The following CD160 variants were observed in gnomAD, a reference collection of about 807,000 sequenced individuals.
CD160 encodes the protein CD160 molecule.
In CD160, 11 loss-of-function variants were observed where a neutral mutation model predicts 19.2. The observed-to-expected ratio is 0.57, with a 90% CI of 0.36 to 0.95. CD160 has a LOEUF of 0.95. Ranked by LOEUF, CD160 falls within the 40% of genes least tolerant of loss-of-function variation. CD160 has a pLI of 0.01. For missense variants in CD160, 182 were observed against 213.2 expected, an observed-to-expected ratio of 0.85 and a Z score of 0.91; for synonymous variants, 75 against 81.1, an observed-to-expected ratio of 0.93 and a Z score of 0.40.
chr1:145,726,782 T>C (rs1271927962), intron 2 of CD160, among the ~76,000 whole-genome samples: 1 of 152,000 alleles, frequency 6.6e-6, no homozygotes, highest in African/African-American at 2.4e-5. Flanking sequence ...TGAAAAAATA[T>C]GAATTACTCA....
chr1:145,727,491 T>C lies in CD160; in HGVS notation c.-72-765T>C, dbSNP rs587654466. On this transcript the variant is annotated intron_variant, in intron 2 of 5. Coordinates refer to ENST00000369288, the MANE Select transcript of CD160 (RefSeq NM_007053.4). ...TATTGAAAGAAAATTATAGCCTCAA[T>C]TGGAGGGAAACTTTCCTAAACAATG... is the stretch of plus-strand genomic sequence containing the variant. 2.4e-4 allele frequency among the ~76,000 whole-genome samples: 36 copies of C among 152,122 alleles called. No individual in the cohort carries two copies. The South Asian group carries it at 6.6e-3, about 28-fold the overall frequency.
intron 4 of CD160, among the ~76,000 whole-genome samples, chr1:145,732,158 C>A (rs782406728): frequency 2.6e-5 from 4 of 151,952 alleles, no homozygotes; most frequent in Non-Finnish European, 4.4e-5. Flanking sequence ...ATAGAGCAAG[C>A]CTTCAAAATT....
chr1:145,734,623 C>A (rs1030539300), intron 4 of CD160, among the ~76,000 whole-genome samples: 4 of 152,196 alleles, frequency 2.6e-5, no homozygotes, highest in Non-Finnish European at 5.9e-5. Context: ...ATAACACAGT[C>A]CTTGCTCCTT....
intron 1 of CD160, among the ~76,000 whole-genome samples, 176 bp downstream of exon 1, chr1:145,719,735 T>G (rs1656753062): frequency 6.6e-6 from 1 of 152,220 alleles, no homozygotes; most frequent in Non-Finnish European, 1.5e-5. Context: ...CAGACCAGCA[T>G]GCTCGCTTTT....
intron 1 of CD160, among the ~76,000 whole-genome samples, chr1:145,722,063 A>G (rs996667632): frequency 6.6e-6 from 1 of 152,204 alleles, no homozygotes. Flanking sequence ...CCAAGCCTCT[A>G]TATGCTTCGT....
chr1:145,722,458 G>A (rs1363666406), intron 1 of CD160, among the ~76,000 whole-genome samples: 1 of 152,124 alleles, frequency 6.6e-6, no homozygotes, highest in Admixed American at 6.5e-5. Flanking sequence ...ATCTCTCTGT[G>A]CCCCATGGTG....
At chr1:145,729,893 A>T (rs1442038535) in intron 3 of CD160, among the ~76,000 whole-genome samples, 1 of 152,154 alleles carries the variant, frequency 6.6e-6, no homozygotes, top group African/African-American at 2.4e-5. Flanking sequence ...CTCATCCTTC[A>T]AGTCAGCTCC....
rs2101373304 is a variant in CD160 at position 145,724,894 on chromosome 1, G to A, written c.-85G>A. The A allele has an allele frequency of 6.6e-6, 1 of 151,902 alleles. No individual in the cohort carries two copies. Among genetic ancestry groups the A allele is most frequent in the Non-Finnish European group, 1.5e-5 (1 of 67,956 alleles). 9.4% of individuals were successfully genotyped at this position (151,902 alleles called of 1,614,324 possible). ...TCCTCCCACCTAAGTCTCTTGAGTA[G>A]CTGGGACTTCAGGTACGCACCACCA... On this transcript the variant is annotated 5_prime_UTR_variant, in exon 2 of 6. Coordinates refer to ENST00000369288, the MANE Select transcript of CD160 (RefSeq NM_007053.4).
At chr1:145,737,861 T>C (rs1553710426) in intron 5 of CD160, 1 of 152,040 alleles carries the variant, frequency 6.6e-6, no homozygotes, top group Non-Finnish European at 1.5e-5. Context: ...TCAATTCAAG[T>C]AGCTTTAAAG....
chr1:145,735,979 G>A lies in CD160; in HGVS notation c.401-18G>A, dbSNP rs781865809. 33 of 1,583,480 alleles carry A rather than the reference G, an allele frequency of 2.1e-5. No individual in the cohort carries two copies. Among genetic ancestry groups the A allele is most frequent in the Non-Finnish European group, 2.9e-5 (33 of 1,156,772 alleles). The stretch of plus-strand genomic sequence containing the variant: ...TTTCTGAAACCCTCCCCTGATCCAT[G>A]ATTCTCTTTTGAACCAGAGACAGGG... On this transcript the variant is annotated intron_variant, in intron 4 of 5. Coordinates refer to ENST00000369288, the MANE Select transcript of CD160 (RefSeq NM_007053.4).
In CD160 at chr1:145,722,931, C is replaced by G. The variant is rs189289456; in HGVS notation, c.-178-1870C>G. ...TTTAGGACCAGGATTTGAACACAAA[C>G]ACTCTGGCTCTAGAGTCTACGCTTT... On this transcript the variant is annotated intron_variant, in intron 1 of 5. Transcript: ENST00000369288. Among the ~76,000 whole-genome samples, 94 of 152,322 alleles carry G rather than the reference C, an allele frequency of 6.2e-4. 1 individual carries two copies. The South Asian group carries it at 0.018, about 29-fold the overall frequency.
In CD160 at chr1:145,736,050, A is replaced by C; in HGVS notation, c.454A>C (p.Ser152Arg). The change falls in exon 5 of 6, where the codon AGC (serine) becomes CGC (arginine). Residue 152 changes from serine to arginine, a missense_variant. Physicochemically the swap from Ser to Arg is moderately radical, Grantham distance 110. Coordinates refer to ENST00000369288, the MANE Select transcript of CD160 (RefSeq NM_007053.4). ...GLKQRQHLEF[S>R]HNEGTLSSGF... The stretch of plus-strand genomic sequence containing the variant: ...GAAACAAAGACAACACCTTGAGTTC[A>C]GCCATAATGAAGGCACTCTCAGTTC... 3.1e-6 allele frequency: 5 copies of C among 1,614,090 alleles called. No individual in the cohort carries two copies. Among genetic ancestry groups the C allele is most frequent in the Non-Finnish European group, 4.2e-6 (5 of 1,179,930 alleles).
chr1:145,727,874 C>T (rs1240714553), intron 2 of CD160, among the ~76,000 whole-genome samples: 2 of 152,104 alleles, frequency 1.3e-5, no homozygotes, highest in East Asian at 3.9e-4. Flanking sequence ...AGATAATACC[C>T]AGAGCTAGCA....
intron 2 of CD160, 137 bp from the exon 3 acceptor site, chr1:145,728,119 C>T (rs112103482): frequency 5.7e-6 from 3 of 526,732 alleles, no homozygotes. Context: ...GCCTCACTTC[C>T]CAGCCAGCTG....
chr1:145,737,686 G>C (rs1478640740), intron 5 of CD160: 2 of 144,608 alleles, frequency 1.4e-5, no homozygotes, highest in Non-Finnish European at 3.0e-5. Flanking sequence ...TTATAAAGGG[G>C]AAATTGAGTC....
In CD160 at chr1:145,736,081, TCCTA is replaced by T. The variant is rs782223890; in HGVS notation, c.487_490del (p.Leu163LysfsTer6). 4 of 1,614,110 alleles carry T rather than the reference TCCTA, an allele frequency of 2.5e-6. No homozygotes were observed. Among genetic ancestry groups the T allele is most frequent in the Non-Finnish European group, 3.4e-6 (4 of 1,179,990 alleles). On this transcript the variant is annotated frameshift_variant, in exon 5 of 6. Coordinates refer to ENST00000369288, the MANE Select transcript of CD160 (RefSeq NM_007053.4). LOFTEE classifies it high-confidence loss of function. ...AATGAAGGCACTCTCAGTTCAGGCT[TCCTA>T]CAAGAAAAGGTCTGGGTAATGCTGG...
chr1:145,728,781 A>G (rs1212587529), intron 3 of CD160, among the ~76,000 whole-genome samples: 10 of 152,088 alleles, frequency 6.6e-5, no homozygotes, highest in African/African-American at 2.4e-4. Flanking sequence ...TCTCCTTGAC[A>G]TTAAGGAAAG....
At chr1:145,734,619 C>T (rs587642471) in intron 4 of CD160, among the ~76,000 whole-genome samples, 1 of 152,332 alleles carries the variant, frequency 6.6e-6, no homozygotes, top group Non-Finnish European at 1.5e-5. Context: ...AGGTATAACA[C>T]AGTCCTTGCT....
chr1:145,721,551 C>A (rs745668022), intron 1 of CD160, among the ~76,000 whole-genome samples: 2 of 152,084 alleles, frequency 1.3e-5, no homozygotes, highest in African/African-American at 4.8e-5. Flanking sequence ...AGCGGAGTGA[C>A]CAGCTGCATC....
Sources: gnomAD v4.1 joint callset for allele counts (sites outside exome capture counted in the v4.1 genomes callset) on GRCh38, gnomAD v4.1.1 for gene constraint, MANE v1.5 for transcripts, NCBI Gene and HGNC (gene_info 2026-07-23, HGNC 2026-07-21) for gene names.